TGFBRAP1: variants seen among roughly 807,000 people sequenced by gnomAD.
TGFBRAP1 encodes transforming growth factor beta receptor associated protein 1, also known as transforming growth factor-beta receptor-associated protein 1.
In TGFBRAP1, 20 loss-of-function variants were observed where a neutral mutation model predicts 83.2. The observed-to-expected ratio is 0.24, with a 90% CI of 0.17 to 0.35. The LOEUF (loss-of-function observed/expected upper bound fraction) is 0.35, where lower values mean the gene tolerates loss of function less well. Among genes scored for constraint, TGFBRAP1 ranks in the 10% least tolerant of loss-of-function variants. The probability of loss-of-function intolerance (pLI) is 1.00; values close to 1 mark genes in which losing one functional copy is unlikely to be tolerated. For synonymous variants in TGFBRAP1, 415 were observed against 459.8 expected (o/e 0.90, Z 1.25); for missense variants, 950 against 1,099.4 (o/e 0.86, Z 1.92).
chr2:105,275,866 T>G (rs980219308), intron 7 of TGFBRAP1, among the ~76,000 whole-genome samples, 163 bp from the exon 8 acceptor site: 1 of 152,174 alleles, frequency 6.6e-6, no homozygotes, highest in African/African-American at 2.4e-5. Context: ...TTTAGTTTTT[T>G]TGGAGAAATA....
At chr2:105,276,774 A>G (rs944774149) in intron 7 of TGFBRAP1, among the ~76,000 whole-genome samples, 6 of 152,160 alleles carry the variant, frequency 3.9e-5, no homozygotes, top group Non-Finnish European at 7.4e-5. Flanking sequence ...ACCCAACTCC[A>G]TTTTTTGTTG....
chr2:105,284,218 C>T (rs1677638165), intron 5 of TGFBRAP1, 98 bp downstream of exon 5: 1 of 1,138,684 alleles, frequency 8.8e-7, no homozygotes, highest in South Asian at 1.3e-5. Context: ...ACAATCTAAC[C>T]ATGCAACACA....
intron 1 of TGFBRAP1, among the ~76,000 whole-genome samples, chr2:105,310,758 T>G (rs1425655180): frequency 6.6e-6 from 1 of 152,150 alleles, no homozygotes; most frequent in Non-Finnish European, 1.5e-5. Context: ...TAAGAGCTAA[T>G]GAGTAAAACC....
chr2:105,323,504 C>CT (rs768681135), intron 1 of TGFBRAP1, among the ~76,000 whole-genome samples: 55 of 152,072 alleles, frequency 3.6e-4, no homozygotes, highest in Middle Eastern at 6.8e-3. Flanking sequence ...TGACTGGACA[C>CT]TTTTTTTTGC....
intron 4 of TGFBRAP1, among the ~76,000 whole-genome samples, chr2:105,290,278 G>A (rs1677858990): frequency 6.6e-6 from 1 of 152,140 alleles, no homozygotes; most frequent in Admixed American, 6.5e-5. Flanking sequence ...TGCTGGTCAG[G>A]CTGGTCTGGA....
intron 4 of TGFBRAP1, among the ~76,000 whole-genome samples, chr2:105,292,791 G>C (rs1287405699): frequency 6.6e-6 from 1 of 152,078 alleles, no homozygotes; most frequent in Admixed American, 6.5e-5. Context: ...TTACTGATTT[G>C]ACTTTTGAGC....
chr2:105,250,763 C>G, the TGFBRAP1 span, among the ~76,000 whole-genome samples: 2 of 152,138 alleles, frequency 1.3e-5, no homozygotes, highest in African/African-American at 4.8e-5. Context: ...GCCTGATTCT[C>G]CTGCCTCAGC....
chr2:105,250,863 C>G, the TGFBRAP1 span, among the ~76,000 whole-genome samples: 3 of 152,242 alleles, frequency 2.0e-5, no homozygotes, highest in Non-Finnish European at 4.4e-5. Flanking sequence ...GCCGTGTTGG[C>G]CGGGCTGGTC....
At chr2:105,260,638 G>A (rs748223607), downstream of TGFBRAP1, among the ~76,000 whole-genome samples, 3 of 151,452 alleles carry the variant, frequency 2.0e-5, no homozygotes, top group South Asian at 2.1e-4. Flanking sequence ...GTTTCTGTTC[G>A]GGATGATACA....
At chr2:105,323,986 A>G (rs1429193615) in intron 1 of TGFBRAP1, among the ~76,000 whole-genome samples, 5 of 152,110 alleles carry the variant, frequency 3.3e-5, no homozygotes, top group Non-Finnish European at 7.4e-5. Context: ...ACACCCTTTC[A>G]AGTGTGTTAA....
chr2:105,302,763 T>C (rs1678344100), intron 2 of TGFBRAP1, among the ~76,000 whole-genome samples: 3 of 152,142 alleles, frequency 2.0e-5, no homozygotes, highest in African/African-American at 7.2e-5. Flanking sequence ...ATTTATATAA[T>C]AAAAAACACA....
At chr2:105,296,005 T>C (rs1411839207) in intron 4 of TGFBRAP1, among the ~76,000 whole-genome samples, 1 of 152,118 alleles carries the variant, frequency 6.6e-6, no homozygotes, top group Non-Finnish European at 1.5e-5. Flanking sequence ...TAACCTGACC[T>C]CACTCTTTTG....
the TGFBRAP1 span, among the ~76,000 whole-genome samples, chr2:105,250,677 C>T: frequency 6.6e-6 from 1 of 151,340 alleles, no homozygotes; most frequent in African/African-American, 2.4e-5. Context: ...CTCTCCCTCT[C>T]TTTCCACGGT....
chr2:105,296,594 T>C (rs111474688), intron 3 of TGFBRAP1, 84 bp from the exon 4 acceptor site: 1 of 1,462,794 alleles, frequency 6.8e-7, no homozygotes, highest in East Asian at 2.3e-5. Context: ...ACTGGATCAT[T>C]ACCTGATTTG....
chr2:105,258,366 TG>T, the TGFBRAP1 span, among the ~76,000 whole-genome samples: 1 of 152,158 alleles, frequency 6.6e-6, no homozygotes, highest in African/African-American at 2.4e-5. Flanking sequence ...AGATTAGCTT[TG>T]GGGTTGGTGG....
intron 1 of TGFBRAP1, among the ~76,000 whole-genome samples, chr2:105,314,841 T>C (rs1483716289): frequency 2.0e-5 from 3 of 151,106 alleles, no homozygotes; most frequent in Admixed American, 1.3e-4. Context: ...TCCCAGCTAC[T>C]TGGGAGGCTG....
intron 2 of TGFBRAP1, 28 bp downstream of exon 2, chr2:105,307,586 A>G (rs750548567): frequency 9.5e-6 from 15 of 1,575,230 alleles, no homozygotes; most frequent in Admixed American, 1.8e-5. Flanking sequence ...ACCCAAAAAG[A>G]TCAGGCGCAC....
At chr2:105,298,732 A>G (rs1357544115) in intron 2 of TGFBRAP1, 27 bp from the exon 3 acceptor site, 2 of 1,535,758 alleles carry the variant, frequency 1.3e-6, no homozygotes, top group African/African-American at 1.4e-5. Flanking sequence ...AGAGTTAGGT[A>G]GGCTTCCAAA....
intron 5 of TGFBRAP1, among the ~76,000 whole-genome samples, chr2:105,282,983 G>A (rs1229819755): frequency 6.6e-6 from 1 of 152,134 alleles, no homozygotes; most frequent in East Asian, 1.9e-4. Context: ...AAAATCCGAG[G>A]ACTCTTCTAG....
Sources: allele counts gnomAD v4.1 joint callset (sites outside exome capture counted in the v4.1 genomes callset), GRCh38; gene constraint gnomAD v4.1.1; transcripts MANE v1.5; gene names NCBI Gene and HGNC (gene_info 2026-07-23, HGNC 2026-07-21).